The following INTS7 variants were observed in gnomAD, a reference collection of about 807,000 sequenced individuals.
The protein encoded by INTS7 is integrator complex subunit 7, also known as chromosome 1 open reading frame 73.
Under a neutral mutation model 109.2 loss-of-function variants are expected in INTS7, and 46 were observed. The ratio of observed to expected loss-of-function variants is 0.42; its 90% CI spans 0.33 to 0.54. INTS7 has a LOEUF of 0.54. INTS7 is among the 20% of genes least tolerant of loss of function. The pLI is 0.07. For missense variants in INTS7, 929 were observed against 1,132.4 expected (o/e 0.82, Z 2.58); for synonymous variants, 412 against 402.9 (o/e 1.02, Z -0.27).
In INTS7 at chr1:212,016,923, C is replaced by CA. The variant is rs1475570266; in HGVS notation, c.471dup (p.Ala158CysfsTer21). The stretch of plus-strand genomic sequence containing the variant: ...GAGAAGTTTGCAGCAGCAAAAACAG[C>CA]AGCTTCAACTTCTACATTATCATGT... On this transcript the variant is annotated frameshift_variant, in exon 4 of 20. Transcript: ENST00000366994. LOFTEE classifies it high-confidence loss of function. 1 of 1,607,908 alleles carries CA rather than the reference C, an allele frequency of 6.2e-7. No individual in the cohort carries two copies. Among genetic ancestry groups the CA allele is most frequent in the African/African-American group, 1.3e-5 (1 of 74,356 alleles).
In INTS7 at chr1:211,971,358, T is replaced by C. The variant is rs565308170; in HGVS notation, c.1816-2651A>G. 6.8e-4 allele frequency among the ~76,000 whole-genome samples: 104 copies of C among 152,332 alleles called. 1 individual carries two copies. Among genetic ancestry groups the C allele is most frequent in the Non-Finnish European group, 8.7e-4 (59 of 68,034 alleles). The stretch of plus-strand genomic sequence containing the variant: ...TACAAGAATGTTCAGAGCAGTATGT[T>C]GGTAACAGCAAGAAACTGGAGAAAT... On this transcript the variant is annotated intron_variant, in intron 13 of 19. Coordinates refer to ENST00000366994, the MANE Select transcript of INTS7 (RefSeq NM_015434.4).
At chr1:211,945,771 C>T (rs1018758932) in intron 18 of INTS7, among the ~76,000 whole-genome samples, 1 of 152,236 alleles carries the variant, frequency 6.6e-6, no homozygotes, top group Non-Finnish European at 1.5e-5. Context: ...TGACAATTTT[C>T]TCCCTTTTCC....
At chr1:212,015,473 C>CA (rs1349326082) in intron 4 of INTS7, among the ~76,000 whole-genome samples, 1 of 151,862 alleles carries the variant, frequency 6.6e-6, no homozygotes, top group African/African-American at 2.4e-5. Flanking sequence ...AAGGGCGGTG[C>CA]AAGATGTGTT....
chr1:211,969,544 TTCTTTTC>T (rs1368438671), intron 13 of INTS7, among the ~76,000 whole-genome samples: 1 of 143,412 alleles, frequency 7.0e-6, no homozygotes, highest in African/African-American at 2.6e-5. Flanking sequence ...CTTTTTCTTT[TTCTTTTC>T]TTTTTTTTTT....
chr1:212,026,938 T>C (rs1490330856), intron 1 of INTS7, among the ~76,000 whole-genome samples: 1 of 152,268 alleles, frequency 6.6e-6, no homozygotes, highest in African/African-American at 2.4e-5. Context: ...TTAAACATGC[T>C]GATTTAAAAT....
rs538388630 is a variant in INTS7, at chr1:212,009,966, TGAA to T, written c.556+1406_556+1408del. 2.8e-3 allele frequency among the ~76,000 whole-genome samples: 427 copies of T among 152,372 alleles called. 2 individuals are homozygous for T. The highest frequency in any genetic ancestry group is 0.014 in the Middle Eastern group (4 of 294). On this transcript the variant is annotated intron_variant, in intron 5 of 19. Transcript: ENST00000366994. Reference sequence around the variant, plus strand: ...GAGCAAGTTCTCTTTAATTTTAATTTGAAGGACAATTTAAATGCGTGCAAAATA... The same window carrying T: ...GAGCAAGTTCTCTTTAATTTTAATTTGGACAATTTAAATGCGTGCAAAATA...
intron 13 of INTS7, among the ~76,000 whole-genome samples, chr1:211,969,716 T>C (rs2993539): frequency 0.1 from 14,714 of 140,824 alleles, 1,171 homozygotes; most frequent in African/African-American, 0.22. Flanking sequence ...CCACCATGCC[T>C]GGCTAATTTT....
At chr1:211,976,224 T>C (rs981797843) in intron 12 of INTS7, among the ~76,000 whole-genome samples, 2 of 152,118 alleles carry the variant, frequency 1.3e-5, no homozygotes, top group African/African-American at 4.8e-5. Context: ...TACTTAAGAA[T>C]GACAAGACTG....
At chr1:211,980,174 T>C (rs1664595331) in intron 10 of INTS7, among the ~76,000 whole-genome samples, 1 of 152,214 alleles carries the variant, frequency 6.6e-6, no homozygotes, top group Non-Finnish European at 1.5e-5. Flanking sequence ...ACATGTTGTC[T>C]ACTTCCCTTC....
chr1:212,007,282 C>T lies in INTS7; in HGVS notation c.724G>A (p.Ala242Thr), dbSNP rs1665971879. 3 of 1,613,944 alleles carry T rather than the reference C, an allele frequency of 1.9e-6. No homozygotes were observed. Among genetic ancestry groups the T allele is most frequent in the Admixed American group, 3.3e-5 (2 of 59,988 alleles). Residue 242 changes from alanine to threonine, a missense_variant, in exon 6 of 20, where the codon GCA becomes ACA. Coordinates refer to ENST00000366994, the MANE Select transcript of INTS7 (RefSeq NM_015434.4). ...IVSLHTFTLL[A>T]ASSLVDTPKQ... ...GGTGTATCAACCAAAGATGACGCTGCAAGCAGAGTGAAAGTGTGCAAAGAC... is the reference window on the plus strand; with the variant it reads ...GGTGTATCAACCAAAGATGACGCTGTAAGCAGAGTGAAAGTGTGCAAAGAC...
At chr1:211,965,088 G>A (rs1663810035) in intron 16 of INTS7, among the ~76,000 whole-genome samples, 1 of 151,572 alleles carries the variant, frequency 6.6e-6, no homozygotes, top group South Asian at 2.1e-4. Flanking sequence ...GCATCTATAA[G>A]GAACTTGAAT....
intron 13 of INTS7, among the ~76,000 whole-genome samples, chr1:211,969,551 C>CTTTTTTTTTTTTTTTTTT (rs36104773): frequency 2.7e-4 from 23 of 85,016 alleles, no homozygotes; most frequent in East Asian, 3.3e-4. Flanking sequence ...TTTTTCTTTT[C>CTTTTTTTTTTTTTTTTTT]TTTTTTTTTT....
intron 16 of INTS7, among the ~76,000 whole-genome samples, chr1:211,954,423 G>A (rs1162521245): frequency 6.6e-6 from 1 of 152,100 alleles, no homozygotes; most frequent in Non-Finnish European, 1.5e-5. Context: ...TGTGAATTTT[G>A]GCTTTTGTTG....
chr1:212,006,707 G>A lies in INTS7; in HGVS notation c.811C>T (p.Leu271Phe). 1 of 1,602,034 alleles carries A rather than the reference G, an allele frequency of 6.2e-7. No homozygotes were observed. Among genetic ancestry groups the A allele is most frequent in the Non-Finnish European group, 8.5e-7 (1 of 1,170,540 alleles). Residue 271 changes from leucine to phenylalanine, a missense_variant, in exon 7 of 20, where the codon CTT (leucine) becomes TTT (phenylalanine). Leu to Phe is a conservative substitution (Grantham distance 22). Around this residue, in one of 2 missense-constraint regions of INTS7, gnomAD observed 787 missense variants for 901.1 expected, o/e 0.87. Coordinates refer to ENST00000366994, the MANE Select transcript of INTS7 (RefSeq NM_015434.4). ...AGTAATTTCAGATCTTGAATAGCAA[G>A]TCTCTTTACTGCCTTCCTGGGATCA... ...KNDPRKAVKRLAIQDLKLLAN... is the reference protein window; with the variant it reads ...KNDPRKAVKRFAIQDLKLLAN...
intron 8 of INTS7, among the ~76,000 whole-genome samples, chr1:211,984,351 TCAGAAAAAAAACC>T (rs1050162235): frequency 1.7e-4 from 26 of 151,944 alleles, no homozygotes; most frequent in African/African-American, 6.0e-4. Context: ...CATAGAAAAC[TCAGAAAAAAAACC>T]CAGAAAAATC....
intron 3 of INTS7, among the ~76,000 whole-genome samples, chr1:212,017,817 T>G (rs753471223): frequency 6.6e-6 from 1 of 152,174 alleles, no homozygotes; most frequent in Non-Finnish European, 1.5e-5. Context: ...GTAATTACAC[T>G]CAAAGTAGTA....
rs1663501238 is a variant in INTS7, at chr1:211,959,201, T to A, written c.2184-6500A>T. Among the ~76,000 whole-genome samples the A allele has an allele frequency of 6.6e-6, 1 of 152,180 alleles. No homozygotes were observed. Among genetic ancestry groups the A allele is most frequent in the Non-Finnish European group, 1.5e-5 (1 of 68,030 alleles). On this transcript the variant is annotated intron_variant, in intron 16 of 19. Transcript: ENST00000366994. The surrounding 1 kb of genome is among the most constrained non-coding windows in gnomAD (Gnocchi z 4.2). ...TGGTGTGTGAGCATCTGTAGTGGAA[T>A]ACGGCCAGGGGCAGCCATCCCTCTA...
At chr1:212,020,586 A>AAGCCCAAGGAATAAGC (rs1666646870) in intron 2 of INTS7, 1 of 262,784 alleles carries the variant, frequency 3.8e-6, no homozygotes, top group African/African-American at 2.3e-5. Context: ...TCTTGGGCTT[A>AAGCCCAAGGAATAAGC]TTCCACAACT....
At position 211,941,777 on chromosome 1, in the gene INTS7, G is replaced by C; in HGVS notation, c.*47C>G. On this transcript the variant is annotated 3_prime_UTR_variant, in exon 20 of 20. Coordinates refer to ENST00000366994, the MANE Select transcript of INTS7 (RefSeq NM_015434.4). Reference sequence around the variant, plus strand: ...CATATGAAAAACCAAACTGTTTCTGGCAATTTGATTGATCTCTTGAGAGTC... The same window carrying C: ...CATATGAAAAACCAAACTGTTTCTGCCAATTTGATTGATCTCTTGAGAGTC... The C allele has an allele frequency of 1.3e-6, 2 of 1,578,152 alleles. No homozygotes were observed. The highest frequency in any genetic ancestry group is 1.7e-6 in the Non-Finnish European group (2 of 1,162,440).
Sources: gnomAD v4.1 joint callset for allele counts (sites outside exome capture counted in the v4.1 genomes callset) on GRCh38, gnomAD v4.1.1 for gene constraint, gnomAD v4.1.1 regional missense constraint, Gnocchi (gnomAD v3.1) non-coding constraint, MANE v1.5 for transcripts, NCBI Gene and HGNC (gene_info 2026-07-23, HGNC 2026-07-21) for gene names.